Variants in WDR72 observed in about 807,000 individuals in gnomAD.
The protein encoded by WDR72 is WD repeat-containing protein 72.
Under a neutral mutation model 124.2 loss-of-function variants are expected in WDR72, and 120 were observed. That is an observed-to-expected ratio of 0.97 (90% confidence interval 0.83 to 1.12). The LOEUF (loss-of-function observed/expected upper bound fraction) is 1.12. Ranked by LOEUF, WDR72 falls within the 50% of genes most tolerant of loss-of-function variation. The probability of loss-of-function intolerance (pLI) is 0.00; values close to 1 mark genes in which losing one functional copy is unlikely to be tolerated. For missense variants in WDR72, 1,387 were observed against 1,278.8 expected (o/e 1.08, Z -1.29); for synonymous variants, 452 against 441.7 (o/e 1.02, Z -0.29).
At chr15:53,620,098 T>C (rs2013929668) in intron 14 of WDR72, among the ~76,000 whole-genome samples, 1 of 152,052 alleles carries the variant, frequency 6.6e-6, no homozygotes, top group South Asian at 2.1e-4. Flanking sequence ...ACAAACTCTT[T>C]AATGCAGAAA....
At chr15:53,633,017 T>C (rs559541566) in intron 14 of WDR72, among the ~76,000 whole-genome samples, 1 of 152,326 alleles carries the variant, frequency 6.6e-6, no homozygotes, top group Admixed American at 6.5e-5. Context: ...TTTGGGATAC[T>C]GTTGGGAAGG....
intron 2 of WDR72, among the ~76,000 whole-genome samples, chr15:53,725,188 G>A (rs950731613): frequency 2.0e-5 from 3 of 152,024 alleles, no homozygotes; most frequent in Non-Finnish European, 2.9e-5. Flanking sequence ...CAGATGGCAA[G>A]TGAACATATA....
chr15:53,615,149 A>G (rs2013702125), intron 15 of WDR72, among the ~76,000 whole-genome samples: 1 of 152,024 alleles, frequency 6.6e-6, no homozygotes, highest in South Asian at 2.1e-4. Flanking sequence ...CTCATTCAAC[A>G]TCCCACACTA....
chr15:53,570,339 G>A (rs1265651856), intron 18 of WDR72, among the ~76,000 whole-genome samples: 1 of 150,512 alleles, frequency 6.6e-6, no homozygotes, highest in Non-Finnish European at 1.5e-5. Flanking sequence ...ATTGTTCTTA[G>A]CTATAGTCAC....
At chr15:53,565,266 T>C (rs753996841) in intron 18 of WDR72, among the ~76,000 whole-genome samples, 5 of 152,028 alleles carry the variant, frequency 3.3e-5, no homozygotes, top group East Asian at 1.9e-4. Flanking sequence ...GTTTAAGAAG[T>C]TGAAAGGAAA....
chr15:53,706,364 A>ATATGTGTGTG (rs2017369486), intron 9 of WDR72, among the ~76,000 whole-genome samples: 1 of 47,604 alleles, frequency 2.1e-5, no homozygotes, highest in African/African-American at 8.2e-5. Context: ...ATATATATAT[A>ATATGTGTGTG]TATATATATA....
chr15:53,722,792 C>G lies in WDR72; in HGVS notation c.260+10G>C, dbSNP rs764081764. ...TGGAGAAGGGGACAAAGTTTACATA[C>G]CATACCTACCCATTTTCAGCAGCAC... On this transcript the variant is annotated intron_variant, in intron 3 of 19. Coordinates refer to ENST00000360509, the MANE Select transcript of WDR72 (RefSeq NM_182758.4). 6.2e-7 allele frequency: 1 copy of G among 1,612,194 alleles called. No homozygotes were observed. The highest frequency in any genetic ancestry group is 1.1e-5 in the South Asian group (1 of 91,058).
chr15:53,599,307 T>C (rs1243132206), intron 17 of WDR72, among the ~76,000 whole-genome samples: 1 of 152,158 alleles, frequency 6.6e-6, no homozygotes, highest in African/African-American at 2.4e-5. Flanking sequence ...CATTTTAAAT[T>C]TGTCATACAT....
Position 53,623,108 on chromosome 15 carries a change from C to G in WDR72, c.1963-6865G>C, listed in dbSNP as rs560741247. ...AAAGTGTAAAATATTGTATACTATA[C>G]GGGTTTTGATTTCTTAATTAACTAA... is the stretch of plus-strand genomic sequence containing the variant. On this transcript the variant is annotated intron_variant, in intron 14 of 19. Transcript: ENST00000360509. Among the ~76,000 whole-genome samples, 5 of 151,870 alleles carry G rather than the reference C, an allele frequency of 3.3e-5. No homozygotes were observed. The South Asian group carries it at 1.0e-3, about 32-fold the overall frequency.
At chr15:53,558,740 T>A (rs1265897395) in intron 18 of WDR72, among the ~76,000 whole-genome samples, 1 of 152,062 alleles carries the variant, frequency 6.6e-6, no homozygotes, top group African/African-American at 2.4e-5. Context: ...TTCTTGATTT[T>A]ATTTATAACT....
intron 18 of WDR72, among the ~76,000 whole-genome samples, chr15:53,552,818 G>A (rs868822560): frequency 3.3e-5 from 5 of 151,986 alleles, no homozygotes; most frequent in South Asian, 2.1e-4. Flanking sequence ...AGTCAACATC[G>A]AATGCCATTT....
intron 18 of WDR72, among the ~76,000 whole-genome samples, chr15:53,534,248 A>C (rs1555405063): frequency 6.6e-6 from 1 of 152,148 alleles, no homozygotes; most frequent in Non-Finnish European, 1.5e-5. Context: ...ATGACTGAAG[A>C]AGTCTACTTT....
chr15:53,575,050 G>GT (rs1472412593), intron 18 of WDR72, among the ~76,000 whole-genome samples: 1 of 149,060 alleles, frequency 6.7e-6, no homozygotes, highest in African/African-American at 2.5e-5. Flanking sequence ...CATTTAAAAT[G>GT]TATGTATACA....
intron 19 of WDR72, among the ~76,000 whole-genome samples, chr15:53,519,763 A>G (rs569414380): frequency 1.3e-5 from 2 of 152,048 alleles, no homozygotes; most frequent in East Asian, 3.9e-4. Context: ...CATGATGAAT[A>G]AGGTAGAGTG....
At chr15:53,556,181 TG>T (rs1231882191) in intron 18 of WDR72, among the ~76,000 whole-genome samples, 4 of 152,118 alleles carry the variant, frequency 2.6e-5, no homozygotes, top group Non-Finnish European at 5.9e-5. Context: ...GGCAATACAA[TG>T]TCCATCCTTG....
chr15:53,557,080 T>C lies in WDR72; in HGVS notation c.3149-33758A>G, dbSNP rs139585569. ...AACAATAGTACTGCCAAGGTTGACT[T>C]GGCCAGAGTAAGAAACTTCACTTTA... On this transcript the variant is annotated intron_variant, in intron 18 of 19. Transcript: ENST00000360509. 5.5e-4 allele frequency among the ~76,000 whole-genome samples: 84 copies of C among 152,234 alleles called. 1 individual carries two copies. The highest frequency in any genetic ancestry group is 1.1e-3 in the Non-Finnish European group (75 of 68,000).
At chr15:53,589,609 T>C (rs1183718482) in intron 18 of WDR72, among the ~76,000 whole-genome samples, 1 of 152,068 alleles carries the variant, frequency 6.6e-6, no homozygotes, top group Non-Finnish European at 1.5e-5. Context: ...TGACAGAATC[T>C]AGATCACTTT....
chr15:53,666,702 A>T (rs375313612), intron 13 of WDR72, among the ~76,000 whole-genome samples: 1 of 152,232 alleles, frequency 6.6e-6, no homozygotes, highest in East Asian at 1.9e-4. Context: ...TACTATTTAT[A>T]TTGTTAAGAA....
chr15:53,751,240 TA>T lies in WDR72; in HGVS notation c.-13+8392del, dbSNP rs34813862. Among the ~76,000 whole-genome samples, 200 of 142,750 alleles carry T rather than the reference TA, an allele frequency of 1.4e-3. 1 individual carries two copies. The highest frequency in any genetic ancestry group is 1.3e-3 in the Non-Finnish European group (86 of 65,154). 93.6% of individuals were successfully genotyped at this position (142,750 alleles called of 152,430 possible). On this transcript the variant is annotated intron_variant, in intron 1 of 19. Coordinates refer to ENST00000360509, the MANE Select transcript of WDR72 (RefSeq NM_182758.4). ...CCTGGGCAACATAGTGAGACTACTT[TA>T]AAAAAAAAAAAGCTTTCACAAAAGG...
Sources: allele counts gnomAD v4.1 joint callset (sites outside exome capture counted in the v4.1 genomes callset), GRCh38; gene constraint gnomAD v4.1.1; transcripts MANE v1.5; gene names NCBI Gene and HGNC (gene_info 2026-07-23, HGNC 2026-07-21).